Variants in EXOC6 observed in about 807,000 individuals in gnomAD.
EXOC6 encodes exocyst complex component 6.
A neutral mutation model predicts 112.5 loss-of-function variants in EXOC6; 60 were observed. That is an observed-to-expected ratio of 0.53 (90% CI 0.43 to 0.66). The LOEUF (loss-of-function observed/expected upper bound fraction) is 0.66. EXOC6 is among the 30% of genes least tolerant of loss of function. The probability of loss-of-function intolerance (pLI) is 0.00; values close to 1 mark genes in which losing one functional copy is unlikely to be tolerated. For missense variants in EXOC6, 855 were observed against 957.1 expected (o/e 0.89, Z 1.41); for synonymous variants, 295 against 308.0 (o/e 0.96, Z 0.44).
rs145084677 is a variant in EXOC6 at position 92,968,289 on chromosome 10, A to C, written c.1774-5764A>C. ...AGCCTCAAACTCCTGAGCTCAAGCG[A>C]TCCTCCCACCTCAGCCTCCTGAGTA... On this transcript the variant is annotated intron_variant, in intron 17 of 21. Transcript: ENST00000260762. Among the ~76,000 whole-genome samples, 349 of 150,738 alleles carry C rather than the reference A, an allele frequency of 2.3e-3. 1 individual carries two copies. The highest frequency in any genetic ancestry group is 7.8e-3 in the African/African-American group (321 of 40,960).
At chr10:92,976,501 C>G (rs1433437261) in intron 18 of EXOC6, among the ~76,000 whole-genome samples, 2 of 151,534 alleles carry the variant, frequency 1.3e-5, no homozygotes, top group Admixed American at 1.3e-4. Context: ...TCCCTAATCT[C>G]AAGTACCCAG....
At chr10:92,851,498 AT>A (rs199545308) in intron 1 of EXOC6, among the ~76,000 whole-genome samples, 1,739 of 152,088 alleles carry the variant, frequency 0.011, 19 homozygotes, top group Non-Finnish European at 0.017. Flanking sequence ...ATACAAAAAA[AT>A]ATTAGCTGGG....
upstream of EXOC6, among the ~76,000 whole-genome samples, chr10:92,845,552 CAA>C (rs1169907413): frequency 0.028 from 1,854 of 65,406 alleles, 29 homozygotes; most frequent in East Asian, 0.092. Flanking sequence ...GACTCCATCT[CAA>C]AAAAAAAAAA....
intron 1 of EXOC6, among the ~76,000 whole-genome samples, chr10:92,884,465 G>A (rs1269154704): frequency 6.6e-6 from 1 of 152,192 alleles, no homozygotes; most frequent in East Asian, 1.9e-4. Context: ...ACACTATGCA[G>A]ATGTAGCCCC....
At chr10:92,941,243 A>G (rs979910352) in intron 13 of EXOC6, among the ~76,000 whole-genome samples, 1 of 152,208 alleles carries the variant, frequency 6.6e-6, no homozygotes, top group Non-Finnish European at 1.5e-5. Flanking sequence ...TCCATATTGT[A>G]GCATGTCAGA....
At position 92,974,044 on chromosome 10, in the gene EXOC6, C is replaced by T. The variant is rs748826547; in HGVS notation, c.1774-9C>T. The T allele has an allele frequency of 2.5e-6, 4 of 1,571,216 alleles. No individual in the cohort carries two copies. The Admixed American group carries it at 8.3e-5, about 33-fold the overall frequency. ...TTCTTGTCTTTGTTGTTATTTTGTC[C>T]CATGTCAGGATGCTCGACATGCAGC... On this transcript the variant is annotated splice_polypyrimidine_tract_variant and intron_variant, in intron 17 of 21. Coordinates refer to ENST00000260762, the MANE Select transcript of EXOC6 (RefSeq NM_019053.6).
At chr10:92,980,539 ATTAG>A (rs1842789937) in intron 18 of EXOC6, among the ~76,000 whole-genome samples, 1 of 152,036 alleles carries the variant, frequency 6.6e-6, no homozygotes, top group African/African-American at 2.4e-5. Flanking sequence ...TAAACTTGAT[ATTAG>A]TTTTCATTCT....
intron 5 of EXOC6, chr10:92,899,875 G>A (rs1850061840): frequency 2.4e-6 from 1 of 411,930 alleles, no homozygotes; most frequent in Non-Finnish European, 4.3e-6. Flanking sequence ...TGTTGATCAA[G>A]TACAAATAGC....
intron 8 of EXOC6, among the ~76,000 whole-genome samples, chr10:92,927,386 A>G (rs1021474176): frequency 4.6e-5 from 7 of 152,202 alleles, no homozygotes; most frequent in African/African-American, 1.7e-4. Context: ...CTGCATGCCA[A>G]GCATTCTTCT....
chr10:93,018,206 A>G (rs2134249318), intron 20 of EXOC6, among the ~76,000 whole-genome samples: 1 of 152,174 alleles, frequency 6.6e-6, no homozygotes, highest in South Asian at 2.1e-4. Flanking sequence ...TATAAAAAAA[A>G]GGGAGGGGGC....
Position 92,915,836 on chromosome 10 carries a change from C to A in EXOC6, c.742C>A (p.Arg248Ser). The change falls in exon 7 of 22, where the codon CGT becomes AGT. Residue 248 changes from arginine (R) to serine (S), a missense_variant. Physicochemically the swap from Arg to Ser is moderately radical, Grantham distance 110. Coordinates refer to ENST00000260762, the MANE Select transcript of EXOC6 (RefSeq NM_019053.6). The stretch of plus-strand genomic sequence containing the variant: ...ATTTGGGAAAAATATGTATATAAAT[C>A]GTGATAGAATTCCAGAGGAAAGGAA... ...MKFGKNMYINRDRIPEERNET... is the reference protein window; with the variant it reads ...MKFGKNMYINSDRIPEERNET... 3 of 1,544,490 alleles carry A rather than the reference C, an allele frequency of 1.9e-6. No homozygotes were observed. Among genetic ancestry groups the A allele is most frequent in the Admixed American group, 4.5e-5 (2 of 44,148 alleles).
chr10:92,915,939 T>G (rs777061657), intron 7 of EXOC6, 26 bp downstream of exon 7: 1 of 1,454,754 alleles, frequency 6.9e-7, no homozygotes, highest in Non-Finnish European at 9.1e-7. Context: ...CTTTCTTTTC[T>G]ATTATTAGAT....
chr10:93,025,470 A>G (rs1325808684), intron 20 of EXOC6, among the ~76,000 whole-genome samples: 1 of 152,230 alleles, frequency 6.6e-6, no homozygotes. Flanking sequence ...AGCTTTGCAG[A>G]GGAATATAAA....
intron 19 of EXOC6, among the ~76,000 whole-genome samples, chr10:93,013,825 A>G (rs1001731728): frequency 6.6e-6 from 1 of 152,180 alleles, no homozygotes; most frequent in Non-Finnish European, 1.5e-5. Flanking sequence ...GTTGACAGCC[A>G]TGGAATTGGT....
chr10:92,935,439 TAATG>T (rs1852286794), intron 11 of EXOC6, among the ~76,000 whole-genome samples: 1 of 152,078 alleles, frequency 6.6e-6, no homozygotes, highest in Non-Finnish European at 1.5e-5. Context: ...ACTAAGAAAA[TAATG>T]AAATTGTAAT....
At chr10:92,831,302 C>T (rs1176659798), upstream of EXOC6, 1 of 1,288,298 alleles carries the variant, frequency 7.8e-7, no homozygotes, top group South Asian at 1.2e-5. Context: ...GCTGAGCCGG[C>T]TGTACCGGAA....
rs185791829 is a variant in EXOC6 at position 92,931,380 on chromosome 10, G to T, written c.973-2764G>T. 3.9e-3 allele frequency among the ~76,000 whole-genome samples: 588 copies of T among 151,622 alleles called. 3 individuals are homozygous for T. The highest frequency in any genetic ancestry group is 0.013 in the African/African-American group (541 of 41,422). On this transcript the variant is annotated intron_variant, in intron 9 of 21. Coordinates refer to ENST00000260762, the MANE Select transcript of EXOC6 (RefSeq NM_019053.6). ...AATTTAAGTGTATATAAGAACAACT[G>T]TCAGGCTATTTTTTTTAGTTGACAT...
chr10:92,863,436 T>C (rs965235378), intron 1 of EXOC6, among the ~76,000 whole-genome samples: 3 of 152,026 alleles, frequency 2.0e-5, no homozygotes, highest in Admixed American at 6.5e-5. Context: ...ATAACTGAAC[T>C]GTTCTAGGGT....
At chr10:92,991,129 TTTTTTTTTTTTCCCAAGACAG>T in intron 18 of EXOC6, among the ~76,000 whole-genome samples, 1 of 148,686 alleles carries the variant, frequency 6.7e-6, no homozygotes, top group African/African-American at 2.6e-5. Flanking sequence ...CTGGCAACTT[TTTTTTTTTTTTCCCAAGACAG>T]AGTCTGGCCA....
Sources: gnomAD v4.1 joint callset for allele counts (sites outside exome capture counted in the v4.1 genomes callset) on GRCh38, gnomAD v4.1.1 for gene constraint, MANE v1.5 for transcripts, NCBI Gene and HGNC (gene_info 2026-07-23, HGNC 2026-07-21) for gene names.